Variants in RAG2 observed in about 807,000 individuals in gnomAD.
The protein encoded by RAG2 is V(D)J recombination-activating protein 2.
A neutral mutation model predicts 31.8 loss-of-function variants in RAG2; 16 were observed. That is an observed-to-expected ratio of 0.50 (90% CI 0.34 to 0.76). RAG2 has a LOEUF of 0.76. Ranked by LOEUF, RAG2 falls within the 30% of genes least tolerant of loss-of-function variation. RAG2 has a pLI of 0.01. For synonymous variants in RAG2, 199 were observed against 215.9 expected, an observed-to-expected ratio of 0.92 and a Z score of 0.68; for missense variants, 622 against 628.5, an observed-to-expected ratio of 0.99 and a Z score of 0.11.
rs1320386370 is a variant in RAG2, at chr11:36,593,287, G to A, written c.882C>T (p.Asp294=). The change falls in exon 2 of 2, where the codon GAC becomes GAT. Residue 294 remains aspartate (D), a synonymous_variant. Transcript: ENST00000311485. ...CCATCTCACGAATTTCTATCTTGTT[G>A]TCCTCTAAAGAGATGATGTTGCAGA... ...RMICNIISLE[D]NKIEIREMET... 1 of 1,614,070 alleles carries A rather than the reference G, an allele frequency of 6.2e-7. No individual in the cohort carries two copies. The highest frequency in any genetic ancestry group is 8.5e-7 in the Non-Finnish European group (1 of 1,180,012).
rs766735610 is a variant in RAG2, at chr11:36,593,651, T to C, written c.518A>G (p.Asn173Ser). The change falls in exon 2 of 2, where the codon AAT (asparagine) becomes AGT (serine). Residue 173 changes from asparagine to serine, a missense_variant. By Grantham distance (46) the Asn-to-Ser change is conservative. Coordinates refer to ENST00000311485, the MANE Select transcript of RAG2 (RefSeq NM_000536.4). ...PSTHRTTEKW[N>S]SVADCLPCVF... is the part of the protein sequence containing the mutation. ...ACAGGGCAGGCAGTCAGCTACACTATTCCATTTTTCTGTGGTTCTGTGGGT... is the reference window on the plus strand; with the variant it reads ...ACAGGGCAGGCAGTCAGCTACACTACTCCATTTTTCTGTGGTTCTGTGGGT... 1 of 1,614,092 alleles carries C rather than the reference T, an allele frequency of 6.2e-7. No individual in the cohort carries two copies. Among genetic ancestry groups the C allele is most frequent in the Non-Finnish European group, 8.5e-7 (1 of 1,180,044 alleles).
Position 36,592,502 on chromosome 11 carries a change from A to C in RAG2, c.*83T>G, listed in dbSNP as rs1851037449. 1 of 1,506,376 alleles carries C rather than the reference A, an allele frequency of 6.6e-7. No homozygotes were observed. The highest frequency in any genetic ancestry group is 9.0e-7 in the Non-Finnish European group (1 of 1,113,810). 93.3% of individuals were successfully genotyped at this position (1,506,376 alleles called of 1,614,324 possible). A position where few individuals can be genotyped will look rare whatever the true frequency, so the allele number is the denominator to read the frequency against. ...AACATAGGCATTTTAAATAAACAAA[A>C]ATGTATTTTTAAAATCAATGTTATG... On this transcript the variant is annotated 3_prime_UTR_variant, in exon 2 of 2. Coordinates refer to ENST00000311485, the MANE Select transcript of RAG2 (RefSeq NM_000536.4).
At chr11:36,596,318 GA>G (rs1417109280) in intron 1 of RAG2, among the ~76,000 whole-genome samples, 2 of 150,722 alleles carry the variant, frequency 1.3e-5, no homozygotes, top group African/African-American at 2.5e-5. Context: ...CTACTTGGGA[GA>G]CTCGTAAGGG....
In RAG2 at chr11:36,593,944, T is replaced by G; in HGVS notation, c.225A>C (p.Pro75=). The G allele has an allele frequency of 6.2e-7, 1 of 1,614,202 alleles. No homozygotes were observed. ...AGCTGCCTTTGAATGTGCAAGTGGCTGGGTAGCGAAGAGGAGGGAGGTAGC... is the reference window on the plus strand; with the variant it reads ...AGCTGCCTTTGAATGTGCAAGTGGCGGGGTAGCGAAGAGGAGGGAGGTAGC... ...DSCYLPPLRY[P]ATCTFKGSLE... Residue 75 remains proline, a synonymous_variant, in exon 2 of 2, where the codon CCA becomes CCC. Coordinates refer to ENST00000311485, the MANE Select transcript of RAG2 (RefSeq NM_000536.4).
Position 36,593,101 on chromosome 11 carries a change from A to G in RAG2, c.1068T>C (p.Asn356=), listed in dbSNP as rs924671026. The change falls in exon 2 of 2, where the codon AAT becomes AAC. Residue 356 remains asparagine, a synonymous_variant. Coordinates refer to ENST00000311485, the MANE Select transcript of RAG2 (RefSeq NM_000536.4). ...YMLKCAEDDT[N]EEQTTFTNSQ... ...TGTTTGTGAATGTTGTCTGCTCTTC[A>G]TTAGTATCATCTTCAGCACATTTCA... is the stretch of plus-strand genomic sequence containing the variant. 2 of 1,613,966 alleles carry G rather than the reference A, an allele frequency of 1.2e-6. No homozygotes were observed. The highest frequency in any genetic ancestry group is 2.7e-5 in the African/African-American group (2 of 74,902).
At chr11:36,597,173 C>G (rs1406435421) in intron 1 of RAG2, among the ~76,000 whole-genome samples, 1 of 152,158 alleles carries the variant, frequency 6.6e-6, no homozygotes, top group Non-Finnish European at 1.5e-5. Flanking sequence ...AAAGTGTTTT[C>G]ACATGATTTT....
In RAG2 at chr11:36,593,917, C is replaced by A. The variant is rs761118163; in HGVS notation, c.252G>T (p.Leu84Phe). The change falls in exon 2 of 2, where the codon TTG becomes TTT. Residue 84 changes from leucine to phenylalanine, a missense_variant. Physicochemically the swap from Leu to Phe is conservative, Grantham distance 22 (BLOSUM62 0). Transcript: ENST00000311485. ...YPATCTFKGS[L>F]ESEKHQYIIH... ...TGATGTATTGATGCTTTTCAGACTCCAAGCTGCCTTTGAATGTGCAAGTGG... is the reference window on the plus strand; with the variant it reads ...TGATGTATTGATGCTTTTCAGACTCAAAGCTGCCTTTGAATGTGCAAGTGG... 1 of 1,614,186 alleles carries A rather than the reference C, an allele frequency of 6.2e-7. No individual in the cohort carries two copies. The highest frequency in any genetic ancestry group is 8.5e-7 in the Non-Finnish European group (1 of 1,180,040).
Position 36,593,746 on chromosome 11 carries a change from G to A in RAG2, c.423C>T (p.Ser141=). ...GDVPEARYGH[S]INVVYSRGKS... The stretch of plus-strand genomic sequence containing the variant: ...TCCCTCGGCTGTACACCACATTAAT[G>A]GAATGACCATATCTGGCTTCAGGAA... Residue 141 remains serine (S), a synonymous_variant, in exon 2 of 2, where the codon TCC becomes TCT. Transcript: ENST00000311485. 1.2e-6 allele frequency: 2 copies of A among 1,614,166 alleles called. No individual in the cohort carries two copies. The highest frequency in any genetic ancestry group is 1.7e-6 in the Non-Finnish European group (2 of 1,180,038).
rs535966949 is a variant in RAG2, at chr11:36,594,264, C to G, written c.-27-69G>C. 3.9e-6 allele frequency: 4 copies of G among 1,031,564 alleles called. No individual in the cohort carries two copies. The East Asian group carries it at 9.6e-5, about 25-fold the overall frequency. 63.9% of individuals were successfully genotyped at this position (1,031,564 alleles called of 1,614,324 possible). A position where few individuals can be genotyped will look rare whatever the true frequency, so the allele number is the denominator to read the frequency against. On this transcript the variant is annotated intron_variant, in intron 1 of 1. Coordinates refer to ENST00000311485, the MANE Select transcript of RAG2 (RefSeq NM_000536.4). ...TAATCATCGTATTTAGATTCCTTCA[C>G]ATGTGAATAGCATTTTTTTAAGTCC...
intron 1 of RAG2, among the ~76,000 whole-genome samples, chr11:36,596,070 A>G (rs1313398404): frequency 6.6e-6 from 1 of 152,250 alleles, no homozygotes; most frequent in African/African-American, 2.4e-5. Flanking sequence ...TAGCACGTGT[A>G]AATCACATAG....
intron 1 of RAG2, among the ~76,000 whole-genome samples, chr11:36,597,048 A>T (rs1350605883): frequency 6.6e-6 from 1 of 152,142 alleles, no homozygotes; most frequent in African/African-American, 2.4e-5. Flanking sequence ...AAAGTTTCTT[A>T]TTGCTAAGAT....
rs1166944206 is a variant in RAG2 at position 36,593,707 on chromosome 11, A to T, written c.462T>A (p.Val154=). 6.2e-7 allele frequency: 1 copy of T among 1,614,104 alleles called. No individual in the cohort carries two copies. The highest frequency in any genetic ancestry group is 8.5e-7 in the Non-Finnish European group (1 of 1,180,008). ...GCATGTATGAGCGTCCTCCAAAGAGAACACCCATACTTTTCCCTCGGCTGT... is the reference window on the plus strand; with the variant it reads ...GCATGTATGAGCGTCCTCCAAAGAGTACACCCATACTTTTCCCTCGGCTGT... The part of the protein sequence containing the change: ...VVYSRGKSMG[V]LFGGRSYMPS... The change falls in exon 2 of 2, where the codon GTT becomes GTA. Residue 154 remains valine (V), a synonymous_variant. Coordinates refer to ENST00000311485, the MANE Select transcript of RAG2 (RefSeq NM_000536.4).
At chr11:36,591,331 T>C (rs757150391), downstream of RAG2, among the ~76,000 whole-genome samples, 6 of 152,184 alleles carry the variant, frequency 3.9e-5, no homozygotes, top group Non-Finnish European at 7.4e-5. Context: ...CCTTACACAC[T>C]GTAGACTTTC....
Position 36,593,380 on chromosome 11 carries a change from C to T in RAG2, c.789G>A (p.Leu263=), listed in dbSNP as rs1213333392. 9 of 1,614,024 alleles carry T rather than the reference C, an allele frequency of 5.6e-6. No individual in the cohort carries two copies. Among genetic ancestry groups the T allele is most frequent in the Non-Finnish European group, 7.6e-6 (9 of 1,180,030 alleles). ...PGGISVSSAI[L]TQTNNDEFVI... ...CAAATTCATCATTGTTAGTTTGAGT[C>T]AGGATTGCACTGGAGACAGAGATTC... The change falls in exon 2 of 2, where the codon CTG becomes CTA. Residue 263 remains leucine (L), a synonymous_variant. Transcript: ENST00000311485.
chr11:36,591,598 T>TACACACACACACACAC (rs3084298), downstream of RAG2, among the ~76,000 whole-genome samples: 1 of 149,012 alleles, frequency 6.7e-6, no homozygotes, highest in African/African-American at 2.5e-5. Flanking sequence ...ACATGTTAAC[T>TACACACACACACACAC]ACACACACAC....
Position 36,593,464 on chromosome 11 carries a change from T to C in RAG2, c.705A>G (p.Arg235=), listed in dbSNP as rs1472942822. The C allele has an allele frequency of 1.2e-6, 2 of 1,613,952 alleles. No individual in the cohort carries two copies. The highest frequency in any genetic ancestry group is 1.7e-6 in the Non-Finnish European group (2 of 1,179,994). ...TACCCAGGGGAAGATCAACCCTTAT[T>C]CTGTACAGGTTGGCAGGCCGGATAT... ...ANNIRPANLY[R]IRVDLPLGSP... Residue 235 remains arginine, a synonymous_variant, in exon 2 of 2, where the codon AGA becomes AGG. Coordinates refer to ENST00000311485, the MANE Select transcript of RAG2 (RefSeq NM_000536.4).
chr11:36,594,144 T>C lies in RAG2; in HGVS notation c.25A>G (p.Ser9Gly), dbSNP rs1851108332. The change falls in exon 2 of 2, where the codon AGT (serine) becomes GGT (glycine). Residue 9 changes from serine to glycine, a missense_variant. Coordinates refer to ENST00000311485, the MANE Select transcript of RAG2 (RefSeq NM_000536.4). MSLQMVTVSNNIALIQPGF... is the reference protein window; with the variant it reads MSLQMVTVGNNIALIQPGF... ...GGCTGAATTAAGGCTATGTTATTAC[T>C]GACTGTTACCATCTGCAGAGACATA... is the stretch of plus-strand genomic sequence containing the variant. 1.2e-6 allele frequency: 2 copies of C among 1,612,932 alleles called. No individual in the cohort carries two copies. Among genetic ancestry groups the C allele is most frequent in the Admixed American group, 3.3e-5 (2 of 60,006 alleles).
At position 36,593,891 on chromosome 11, in the gene RAG2, A is replaced by G. The variant is rs774630367; in HGVS notation, c.278T>C (p.Ile93Thr). 1.9e-6 allele frequency: 3 copies of G among 1,614,202 alleles called. No individual in the cohort carries two copies. The highest frequency in any genetic ancestry group is 2.5e-6 in the Non-Finnish European group (3 of 1,180,032). ...SLESEKHQYI[I>T]HGGKTPNNEV... ...ATTGTTTGGTGTTTTCCCTCCATGG[A>G]TGATGTATTGATGCTTTTCAGACTC... Residue 93 changes from isoleucine to threonine, a missense_variant, in exon 2 of 2, where the codon ATC becomes ACC. By Grantham distance (89) the Ile-to-Thr change is moderately conservative. Coordinates refer to ENST00000311485, the MANE Select transcript of RAG2 (RefSeq NM_000536.4).
downstream of RAG2, chr11:36,591,862 A>C (rs1165804594): frequency 6.6e-6 from 1 of 152,212 alleles, no homozygotes; most frequent in Non-Finnish European, 1.5e-5. Flanking sequence ...TGACTTTGGC[A>C]CATCATTCAT....
Sources: gnomAD v4.1 joint callset for allele counts (sites outside exome capture counted in the v4.1 genomes callset) on GRCh38, gnomAD v4.1.1 for gene constraint, MANE v1.5 for transcripts, NCBI Gene and HGNC (gene_info 2026-07-23, HGNC 2026-07-21) for gene names.